Variants in PKN2 observed in about 807,000 individuals in gnomAD.
PKN2 encodes protein kinase N2.
Under a neutral mutation model 119.1 loss-of-function variants are expected in PKN2, and 38 were observed. That is an observed-to-expected ratio of 0.32 (90% CI 0.25 to 0.42). PKN2 has a LOEUF of 0.42. Ranked by LOEUF, PKN2 falls within the 10% of genes least tolerant of loss-of-function variation. The pLI is 1.00. For missense variants in PKN2, 850 were observed against 1,165.1 expected (o/e 0.73, Z 3.94); for synonymous variants, 390 against 384.9 (o/e 1.01, Z -0.15).
At chr1:88,728,016 CTT>C (rs34460979) in intron 1 of PKN2, among the ~76,000 whole-genome samples, 637 of 130,758 alleles carry the variant, frequency 4.9e-3, no homozygotes, top group Non-Finnish European at 8.3e-3. Context: ...TTTCTTGGGG[CTT>C]TTTTTTTTTT....
chr1:88,688,443 A>G (rs1420608945), intron 1 of PKN2, among the ~76,000 whole-genome samples: 1 of 152,174 alleles, frequency 6.6e-6, no homozygotes, highest in Non-Finnish European at 1.5e-5. Context: ...TTTTGCATCT[A>G]ATGTTATAGT....
At chr1:88,732,149 A>G (rs1570547776) in intron 1 of PKN2, among the ~76,000 whole-genome samples, 1 of 152,318 alleles carries the variant, frequency 6.6e-6, no homozygotes, top group Non-Finnish European at 1.5e-5. Context: ...ATAATGTAGT[A>G]TAAGATATGA....
At chr1:88,781,551 A>G (rs1488554333) in intron 6 of PKN2, among the ~76,000 whole-genome samples, 1 of 152,084 alleles carries the variant, frequency 6.6e-6, no homozygotes, top group Non-Finnish European at 1.5e-5. Flanking sequence ...TAAAAATTTC[A>G]TATTGTGCTT....
chr1:88,721,138 C>A (rs1340620973), intron 1 of PKN2, among the ~76,000 whole-genome samples: 1 of 151,826 alleles, frequency 6.6e-6, no homozygotes, highest in Non-Finnish European at 1.5e-5. Flanking sequence ...GGGTAGATAC[C>A]CAGTAGTGGG....
chr1:88,760,177 A>G (rs1295736483), intron 2 of PKN2, 45 bp from the exon 3 acceptor site: 1 of 1,077,716 alleles, frequency 9.3e-7, no homozygotes, highest in Non-Finnish European at 1.4e-6. Context: ...AATTTTAAGC[A>G]GCAATTCATT....
chr1:88,804,969 A>C, intron 10 of PKN2, 48 bp downstream of exon 10: 1 of 892,000 alleles, frequency 1.1e-6, no homozygotes, highest in South Asian at 1.5e-5. Context: ...TTTCTTAAAC[A>C]ATCTAATTAC....
In PKN2 at chr1:88,771,893, A is replaced by G. The variant is rs778234340; in HGVS notation, c.985+14A>G. On this transcript the variant is annotated intron_variant, in intron 6 of 21. Transcript: ENST00000370521. ...CAGCACTAACAGGTATGTAGTGTATAGCCATTGTTTTTTGTGTGTATTTTT... is the reference window on the plus strand; with the variant it reads ...CAGCACTAACAGGTATGTAGTGTATGGCCATTGTTTTTTGTGTGTATTTTT... 13 of 1,554,520 alleles carry G rather than the reference A, an allele frequency of 8.4e-6. No homozygotes were observed. Among genetic ancestry groups the G allele is most frequent in the Non-Finnish European group, 9.7e-6 (11 of 1,128,848 alleles).
At chr1:88,703,244 G>T (rs1666845992) in intron 1 of PKN2, among the ~76,000 whole-genome samples, 1 of 151,998 alleles carries the variant, frequency 6.6e-6, no homozygotes, top group African/African-American at 2.4e-5. Context: ...TAAACTGGTG[G>T]TGATGGTTTT....
At chr1:88,821,791 A>C in intron 16 of PKN2, 150 bp from the exon 17 acceptor site, 1 of 555,688 alleles carries the variant, frequency 1.8e-6, no homozygotes, top group Non-Finnish European at 2.8e-6. Flanking sequence ...TTTACCCCTA[A>C]TATCTAGCAC....
intron 8 of PKN2, among the ~76,000 whole-genome samples, chr1:88,800,908 G>A (rs1410011528): frequency 6.6e-6 from 1 of 152,156 alleles, no homozygotes; most frequent in African/African-American, 2.4e-5. Context: ...TGAAACACAA[G>A]TTGGGACAGT....
intron 6 of PKN2, among the ~76,000 whole-genome samples, chr1:88,783,505 C>T (rs902759608): frequency 4.6e-5 from 7 of 152,058 alleles, no homozygotes; most frequent in Admixed American, 4.6e-4. Context: ...AATTGGGAAG[C>T]TTTGTTTGTT....
At chr1:88,809,007 C>G (rs1671674469) in intron 15 of PKN2, among the ~76,000 whole-genome samples, 1 of 152,076 alleles carries the variant, frequency 6.6e-6, no homozygotes. Flanking sequence ...TGTAGATATG[C>G]CAAATTGCAA....
At chr1:88,744,213 T>G (rs1668681104) in intron 2 of PKN2, among the ~76,000 whole-genome samples, 1 of 152,212 alleles carries the variant, frequency 6.6e-6, no homozygotes, top group Admixed American at 6.5e-5. Flanking sequence ...TATTTTAGAT[T>G]AGGTCTGGCA....
In PKN2 at chr1:88,760,046, G is replaced by GTTT. The variant is rs11358635; in HGVS notation, c.350-164_350-162dup. Among the ~76,000 whole-genome samples the GTTT allele has an allele frequency of 2.5e-4, 34 of 135,760 alleles. 1 individual carries two copies. The highest frequency in any genetic ancestry group is 3.4e-4 in the African/African-American group (13 of 38,474). 89.1% of individuals were successfully genotyped at this position (135,760 alleles called of 152,430 possible). On this transcript the variant is annotated intron_variant, in intron 2 of 21. Transcript: ENST00000370521. ...AAGTAGTCTTGCAACTCAGATACGT[G>GTTT]TTTTTTTTTTTTTTGCATGAATTGG...
chr1:88,808,593 C>T (rs1000470219), intron 15 of PKN2, among the ~76,000 whole-genome samples: 9 of 152,078 alleles, frequency 5.9e-5, no homozygotes, highest in African/African-American at 9.7e-5. Context: ...TGTGAGCCAC[C>T]GTGCCCGGCC....
rs145529553 is a variant in PKN2, at chr1:88,803,363, T to C, written c.1282-1028T>C. ...CTGTTTATACCAAAACGTTACATAA[T>C]GAAATGCATAAGTTTATAAATTGAA... On this transcript the variant is annotated intron_variant, in intron 8 of 21. Transcript: ENST00000370521. 2.4e-3 allele frequency among the ~76,000 whole-genome samples: 366 copies of C among 152,288 alleles called. 3 individuals are homozygous for C. Among genetic ancestry groups the C allele is most frequent in the African/African-American group, 8.6e-3 (356 of 41,564 alleles).
chr1:88,687,907 A>G (rs1666167626), intron 1 of PKN2, among the ~76,000 whole-genome samples: 1 of 152,214 alleles, frequency 6.6e-6, no homozygotes, highest in Non-Finnish European at 1.5e-5. Flanking sequence ...TTTGCTATAT[A>G]TCAGACATTG....
At chr1:88,829,324 C>CTTAAT in intron 19 of PKN2, 1 of 507,736 alleles carries the variant, frequency 2.0e-6, no homozygotes, top group Non-Finnish European at 3.8e-6. Flanking sequence ...CAAAAGTATT[C>CTTAAT]GCTACACCAA....
intron 2 of PKN2, among the ~76,000 whole-genome samples, chr1:88,752,861 A>G (rs1669055146): frequency 1.3e-5 from 2 of 152,106 alleles, no homozygotes; most frequent in African/African-American, 4.8e-5. Flanking sequence ...TACCTTGTCT[A>G]ATAATCTCTT....
Sources: gnomAD v4.1 joint callset for allele counts (sites outside exome capture counted in the v4.1 genomes callset) on GRCh38, gnomAD v4.1.1 for gene constraint, MANE v1.5 for transcripts, NCBI Gene and HGNC (gene_info 2026-07-23, HGNC 2026-07-21) for gene names.